The following PHGDH variants were observed in gnomAD, a reference collection of about 807,000 sequenced individuals.
The protein encoded by PHGDH is phosphoglycerate dehydrogenase, also known as D-3-phosphoglycerate dehydrogenase.
In PHGDH, 50 loss-of-function variants were observed where a neutral mutation model predicts 52.6. The ratio of observed to expected loss-of-function variants is 0.95; its 90% CI spans 0.76 to 1.20. The LOEUF (loss-of-function observed/expected upper bound fraction) is 1.20, where lower values mean the gene tolerates loss of function less well. Among genes scored for constraint, PHGDH ranks in the 50% most tolerant of loss-of-function variants. The pLI is 0.00. For synonymous variants in PHGDH, 271 were observed against 280.5 expected (o/e 0.97, Z 0.34); for missense variants, 630 against 684.6 (o/e 0.92, Z 0.89).
chr1:119,742,617 C>T, intron 10 of PHGDH, 190 bp from the exon 11 acceptor site: 1 of 638,364 alleles, frequency 1.6e-6, no homozygotes, highest in Non-Finnish European at 2.9e-6. Context: ...AGATCATTGG[C>T]TGTTCCAGGA....
chr1:119,743,837 C>A, intron 11 of PHGDH, 49 bp from the exon 12 acceptor site: 1 of 1,480,070 alleles, frequency 6.8e-7, no homozygotes, highest in South Asian at 1.1e-5. Flanking sequence ...ATCCCTCGCT[C>A]CTTTTTCCCC....
intron 10 of PHGDH, 190 bp downstream of exon 10, chr1:119,742,087 T>G (rs1360326426): frequency 3.2e-6 from 2 of 627,044 alleles, no homozygotes; most frequent in East Asian, 5.6e-5. Flanking sequence ...GTGTTGCTAA[T>G]GGCACTGCTT....
In PHGDH at chr1:119,715,539, A is replaced by G. The variant is rs114693701; in HGVS notation, c.138+3379A>G. On this transcript the variant is annotated intron_variant, in intron 1 of 11. Coordinates refer to ENST00000641023, the MANE Select transcript of PHGDH (RefSeq NM_006623.4). The stretch of plus-strand genomic sequence containing the variant: ...CTGGATAGTTTCATTGTCTTGCCCT[A>G]TGATTTAAGTCAGAGGCATGGCAAT... Among the ~76,000 whole-genome samples, 275 of 152,310 alleles carry G rather than the reference A, an allele frequency of 1.8e-3. 2 individuals are homozygous for G. Among genetic ancestry groups the G allele is most frequent in the Non-Finnish European group, 1.7e-3 (113 of 68,018 alleles).
At chr1:119,736,197 G>C (rs190987202) in intron 7 of PHGDH, among the ~76,000 whole-genome samples, 12 of 152,256 alleles carry the variant, frequency 7.9e-5, no homozygotes, top group Admixed American at 5.2e-4. Context: ...CCCAGCCCAG[G>C]GCACACAGTG....
intron 3 of PHGDH, chr1:119,724,847 A>C (rs957325918): frequency 4.4e-6 from 2 of 456,542 alleles, no homozygotes; most frequent in Non-Finnish European, 8.8e-6. Flanking sequence ...CCCATTGTCA[A>C]CTGCTCACCA....
Position 119,721,338 on chromosome 1 carries a change from G to A in PHGDH, c.290+17G>A, listed in dbSNP as rs375876858. On this transcript the variant is annotated intron_variant, in intron 2 of 11. Transcript: ENST00000641023. ...GGTTATGAAGTAAGTCATGGAGGCT[G>A]CGGGCGGTTTGGGGGTAGGGGGGTG... The A allele has an allele frequency of 5.6e-6, 9 of 1,611,320 alleles. No homozygotes were observed. Among genetic ancestry groups the A allele is most frequent in the Non-Finnish European group, 7.6e-6 (9 of 1,178,290 alleles).
rs1233384876 is a variant in PHGDH at position 119,744,152 on chromosome 1, TG to T, written c.*113del. 4 of 913,326 alleles carry T rather than the reference TG, an allele frequency of 4.4e-6. No homozygotes were observed. The Admixed American group carries it at 6.9e-5, about 16-fold the overall frequency. 56.6% of individuals were successfully genotyped at this position (913,326 alleles called of 1,614,324 possible). On this transcript the variant is annotated 3_prime_UTR_variant, in exon 12 of 12. Transcript: ENST00000641023. ...TGGGCTGAACGCGGGCCTCTGACAC[TG>T]CTTACACTGCACTCTGACCCTGTAG...
At chr1:119,727,306 G>T (rs867239425) in intron 5 of PHGDH, 2 of 607,326 alleles carry the variant, frequency 3.3e-6, no homozygotes, top group South Asian at 1.9e-5. Context: ...ACTTGGTGGG[G>T]GTCCTTTAGC....
intron 3 of PHGDH, chr1:119,724,945 A>G (rs1180024548): frequency 2.2e-6 from 1 of 451,000 alleles, no homozygotes; most frequent in African/African-American, 2.1e-5. Context: ...GACTGTTCCT[A>G]GCAGGGAGGA....
rs754658401 is a variant in PHGDH, at chr1:119,743,905, C to T, written c.1467C>T (p.Gly489=). The T allele has an allele frequency of 1.9e-5, 30 of 1,613,652 alleles. No homozygotes were observed. The highest frequency in any genetic ancestry group is 1.1e-4 in the African/African-American group (8 of 74,932). ...PTMIGLLAEA[G]VRLLSYQTSL... is the part of the protein sequence containing the mutation. The stretch of plus-strand genomic sequence containing the variant: ...TTCCAGGCCTCCTGGCAGAGGCAGG[C>T]GTGCGGCTGCTGTCCTACCAGACTT... The change falls in exon 12 of 12, where the codon GGC becomes GGT. Residue 489 remains glycine (G), a synonymous_variant. Coordinates refer to ENST00000641023, the MANE Select transcript of PHGDH (RefSeq NM_006623.4).
chr1:119,742,839 G>A lies in PHGDH; in HGVS notation c.1242G>A (p.Gly414=), dbSNP rs2101224665. Residue 414 remains glycine, a synonymous_variant, in exon 11 of 12, where the codon GGG becomes GGA. Transcript: ENST00000641023. ...VTTSHSPAAP[G]EQGFGECLLA... is the part of the protein sequence containing the mutation. ...CCTCCCACAGCCCTGCTGCACCAGG[G>A]GAGCAAGGCTTCGGGGAATGCCTCC... The A allele has an allele frequency of 1.2e-6, 2 of 1,613,380 alleles. No homozygotes were observed. Among genetic ancestry groups the A allele is most frequent in the Non-Finnish European group, 1.7e-6 (2 of 1,179,558 alleles).
At chr1:119,719,857 C>T (rs1270747997) in intron 1 of PHGDH, 1 of 152,230 alleles carries the variant, frequency 6.6e-6, no homozygotes, top group Non-Finnish European at 1.5e-5. Context: ...TGGGATCCAG[C>T]TGAGAGCTCT....
intron 1 of PHGDH, 36 bp downstream of exon 1, chr1:119,712,196 C>T: frequency 1.2e-6 from 2 of 1,600,050 alleles, no homozygotes; most frequent in Non-Finnish European, 1.7e-6. Flanking sequence ...GTCTCTAGGG[C>T]AACCTCCATG....
rs760075062 is a variant in PHGDH, at chr1:119,734,658, T to G, written c.535T>G (p.Ser179Ala). The G allele has an allele frequency of 1.2e-6, 2 of 1,614,150 alleles. No homozygotes were observed. The highest frequency in any genetic ancestry group is 1.7e-6 in the Non-Finnish European group (2 of 1,179,978). ...GACTATAGGGTATGACCCCATCATT[T>G]CCCCAGAGGTCTCGGCCTCCTTTGG... ...MKTIGYDPIISPEVSASFGVQ... is the reference protein window; with the variant it reads ...MKTIGYDPIIAPEVSASFGVQ... The change falls in exon 6 of 12, where the codon TCC becomes GCC. Residue 179 changes from serine (S) to alanine (A), a missense_variant. By Grantham distance (99) the Ser-to-Ala change is moderately conservative. Coordinates refer to ENST00000641023, the MANE Select transcript of PHGDH (RefSeq NM_006623.4).
chr1:119,712,052 C>T lies in PHGDH; in HGVS notation c.30C>T (p.Leu10=), dbSNP rs2101136394. 1 of 1,614,168 alleles carries T rather than the reference C, an allele frequency of 6.2e-7. No homozygotes were observed. The highest frequency in any genetic ancestry group is 2.2e-5 in the East Asian group (1 of 44,880). Residue 10 remains leucine (L), a synonymous_variant, in exon 1 of 12, where the codon CTC becomes CTT. Coordinates refer to ENST00000641023, the MANE Select transcript of PHGDH (RefSeq NM_006623.4). MAFANLRKV[L]ISDSLDPCCR... ...CTTTTGCAAATCTGCGGAAAGTGCTCATCAGTGACAGCCTGGACCCTTGCT... is the reference window on the plus strand; with the variant it reads ...CTTTTGCAAATCTGCGGAAAGTGCTTATCAGTGACAGCCTGGACCCTTGCT...
At chr1:119,742,091 A>G in intron 10 of PHGDH, 194 bp downstream of exon 10, 1 of 624,306 alleles carries the variant, frequency 1.6e-6, no homozygotes, top group Non-Finnish European at 2.9e-6. Flanking sequence ...TGCTAATGGC[A>G]CTGCTTTGTG....
intron 9 of PHGDH, among the ~76,000 whole-genome samples, chr1:119,740,813 A>C (rs1652170052): frequency 6.6e-6 from 1 of 152,188 alleles, no homozygotes; most frequent in African/African-American, 2.4e-5. Flanking sequence ...GTTTCATGCG[A>C]GAGGTCGTAG....
chr1:119,743,272 G>A (rs895412114), intron 11 of PHGDH, among the ~76,000 whole-genome samples: 1 of 152,258 alleles, frequency 6.6e-6, no homozygotes, highest in Non-Finnish European at 1.5e-5. Flanking sequence ...CATGGCAGGG[G>A]TGGGGCCATA....
At chr1:119,717,906 G>A (rs1651001370) in intron 1 of PHGDH, among the ~76,000 whole-genome samples, 2 of 152,302 alleles carry the variant, frequency 1.3e-5, no homozygotes, top group South Asian at 4.1e-4. Flanking sequence ...GTGAAGGTGT[G>A]AGGATGGGGG....
Sources: gnomAD v4.1 joint callset for allele counts (sites outside exome capture counted in the v4.1 genomes callset) on GRCh38, gnomAD v4.1.1 for gene constraint, MANE v1.5 for transcripts, NCBI Gene and HGNC (gene_info 2026-07-23, HGNC 2026-07-21) for gene names.